The following PLCB1 variants were observed in gnomAD, a reference collection of about 807,000 sequenced individuals.
The protein encoded by PLCB1 is phospholipase C beta 1, also known as 1-phosphatidylinositol 4,5-bisphosphate phosphodiesterase beta-1.
Under a neutral mutation model 161.8 loss-of-function variants are expected in PLCB1, and 46 were observed. The observed-to-expected ratio is 0.28, with a 90% CI of 0.22 to 0.36. The LOEUF is 0.36. Ranked by LOEUF, PLCB1 falls within the 10% of genes least tolerant of loss-of-function variation. The pLI, the probability that PLCB1 is intolerant of heterozygous loss-of-function variation, is 1.00. For synonymous variants in PLCB1, 517 were observed against 503.7 expected (o/e 1.03, Z -0.35); for missense variants, 1,016 against 1,472.5 (o/e 0.69, Z 5.07).
chr20:8,848,691 G>T (rs1253365709), intron 31 of PLCB1, among the ~76,000 whole-genome samples: 1 of 152,246 alleles, frequency 6.6e-6, no homozygotes, highest in Non-Finnish European at 1.5e-5. Context: ...TGTGGATGAA[G>T]GAGGGCTGGG....
intron 3 of PLCB1, among the ~76,000 whole-genome samples, chr20:8,613,241 A>T (rs1222929367): frequency 6.6e-6 from 1 of 152,230 alleles, no homozygotes; most frequent in Non-Finnish European, 1.5e-5. Flanking sequence ...CTTAGCCTAA[A>T]CAGCAATCAT....
At chr20:8,532,443 G>A (rs1984852411) in intron 3 of PLCB1, among the ~76,000 whole-genome samples, 1 of 152,096 alleles carries the variant, frequency 6.6e-6, no homozygotes, top group Non-Finnish European at 1.5e-5. Flanking sequence ...AACTTCCCAG[G>A]GAGTTGCAAG....
chr20:8,467,324 A>G (rs1000569339), intron 3 of PLCB1, among the ~76,000 whole-genome samples: 5 of 152,296 alleles, frequency 3.3e-5, no homozygotes, highest in African/African-American at 1.2e-4. Context: ...TTTTAGCCAG[A>G]GAAGAATTAA....
intron 3 of PLCB1, among the ~76,000 whole-genome samples, chr20:8,456,646 C>T (rs1981331622): frequency 6.6e-6 from 1 of 152,170 alleles, no homozygotes; most frequent in African/African-American, 2.4e-5. Context: ...TTTACCTTCA[C>T]TTTAGCCTGG....
intron 3 of PLCB1, among the ~76,000 whole-genome samples, chr20:8,492,160 G>A (rs1982971434): frequency 1.3e-5 from 2 of 149,424 alleles, no homozygotes; most frequent in South Asian, 4.2e-4. Context: ...TTTAATAAAT[G>A]GTTGCTTTGC....
At chr20:8,149,699 A>G (rs551318595) in intron 1 of PLCB1, among the ~76,000 whole-genome samples, 19 of 152,256 alleles carry the variant, frequency 1.2e-4, no homozygotes, top group African/African-American at 3.1e-4. Flanking sequence ...TATAATTACA[A>G]TGTATCCAAG....
chr20:8,323,943 A>C (rs879669061), intron 2 of PLCB1, among the ~76,000 whole-genome samples: 2 of 152,176 alleles, frequency 1.3e-5, no homozygotes, highest in Admixed American at 1.3e-4. Context: ...GCTCTATTCA[A>C]CTATCCTTTA....
intron 2 of PLCB1, among the ~76,000 whole-genome samples, chr20:8,326,063 A>G (rs1210236709): frequency 6.6e-6 from 1 of 152,210 alleles, no homozygotes; most frequent in Non-Finnish European, 1.5e-5. Flanking sequence ...TTCTTTTAAA[A>G]GAGATTTACC....
chr20:8,206,834 A>G (rs1978559489), intron 2 of PLCB1, among the ~76,000 whole-genome samples: 1 of 152,116 alleles, frequency 6.6e-6, no homozygotes, highest in Non-Finnish European at 1.5e-5. Context: ...ACAATTAGAC[A>G]TGAATCAAAT....
At chr20:8,529,724 G>C (rs1412515535) in intron 3 of PLCB1, among the ~76,000 whole-genome samples, 1 of 152,020 alleles carries the variant, frequency 6.6e-6, no homozygotes, top group East Asian at 1.9e-4. Flanking sequence ...CAGCCATCCT[G>C]TGCCCTTCCC....
chr20:8,858,191 TA>T lies in PLCB1; in HGVS notation c.3424-23428del, dbSNP rs557307627. On this transcript the variant is annotated intron_variant, in intron 31 of 31. Coordinates refer to ENST00000338037, the MANE Select transcript of PLCB1 (RefSeq NM_015192.4). ...GATTAAAGGTTTAGCAGTCAAAACA[TA>T]AACTAAATACTGTTTCATTTGCACT... Among the ~76,000 whole-genome samples, 376 of 152,298 alleles carry T rather than the reference TA, an allele frequency of 2.5e-3. 1 individual carries two copies. Among genetic ancestry groups the T allele is most frequent in the African/African-American group, 8.5e-3 (355 of 41,560 alleles).
intron 9 of PLCB1, among the ~76,000 whole-genome samples, 193 bp from the exon 10 acceptor site, chr20:8,684,737 CAT>C (rs1990317046): frequency 6.6e-6 from 1 of 151,866 alleles, no homozygotes; most frequent in Admixed American, 6.6e-5. Flanking sequence ...CATGTAACTA[CAT>C]GTTTTCTCTA....
At chr20:8,245,395 C>G (rs1980832464) in intron 2 of PLCB1, among the ~76,000 whole-genome samples, 1 of 151,856 alleles carries the variant, frequency 6.6e-6, no homozygotes, top group African/African-American at 2.4e-5. Context: ...TTATAGTATG[C>G]AAACTTCCCT....
At chr20:8,735,879 T>C (rs1980554610) in intron 19 of PLCB1, among the ~76,000 whole-genome samples, 1 of 152,226 alleles carries the variant, frequency 6.6e-6, no homozygotes, top group Non-Finnish European at 1.5e-5. Context: ...AGAGCCTTCC[T>C]GATGACTTTC....
At chr20:8,750,325 T>G (rs999775918) in intron 23 of PLCB1, among the ~76,000 whole-genome samples, 2 of 152,312 alleles carry the variant, frequency 1.3e-5, no homozygotes, top group African/African-American at 4.8e-5. Flanking sequence ...ACAGATGAAT[T>G]TATCCAGCTC....
At chr20:8,354,476 C>T (rs114484024) in intron 2 of PLCB1, among the ~76,000 whole-genome samples, 1,916 of 152,212 alleles carry the variant, frequency 0.013, 48 homozygotes, top group African/African-American at 0.044. Context: ...TTAGTACTCA[C>T]GGTTTTCTCT....
chr20:8,841,203 C>T (rs1433194742), intron 31 of PLCB1, among the ~76,000 whole-genome samples: 1 of 152,120 alleles, frequency 6.6e-6, no homozygotes, highest in African/African-American at 2.4e-5. Flanking sequence ...AATAAGTCAT[C>T]ACCATTTTCT....
At chr20:8,571,036 AAG>A (rs1362395152) in intron 3 of PLCB1, among the ~76,000 whole-genome samples, 1 of 152,216 alleles carries the variant, frequency 6.6e-6, no homozygotes, top group African/African-American at 2.4e-5. Context: ...GAATGGAATA[AAG>A]AGAGTGTGGA....
intron 25 of PLCB1, among the ~76,000 whole-genome samples, chr20:8,764,644 C>G (rs1277461366): frequency 1.3e-5 from 2 of 152,132 alleles, no homozygotes; most frequent in African/African-American, 4.8e-5. Context: ...GGTTATGCCT[C>G]CCTGCACTGA....
Sources: gnomAD v4.1 joint callset for allele counts (sites outside exome capture counted in the v4.1 genomes callset) on GRCh38, gnomAD v4.1.1 for gene constraint, MANE v1.5 for transcripts, NCBI Gene and HGNC (gene_info 2026-07-23, HGNC 2026-07-21) for gene names.